Variants in STK10 observed in about 807,000 individuals in gnomAD.
STK10 encodes the protein serine/threonine kinase 10, also known as serine/threonine-protein kinase 10.
STK10 carries 78 observed loss-of-function variants against 113.8 expected under a neutral mutation model. The observed-to-expected ratio is 0.69, with a 90% confidence interval of 0.57 to 0.83. STK10 has a LOEUF of 0.83. Among genes scored for constraint, STK10 ranks in the 40% least tolerant of loss-of-function variants. The pLI, the probability that STK10 is intolerant of heterozygous loss-of-function variation, is 0.00. For missense variants in STK10, 1,109 were observed against 1,280.1 expected (o/e 0.87, Z 2.04); for synonymous variants, 465 against 494.7 (o/e 0.94, Z 0.80).
intron 14 of STK10, among the ~76,000 whole-genome samples, chr5:172,059,620 G>A (rs570972769): frequency 2.4e-4 from 37 of 152,098 alleles, no homozygotes; most frequent in African/African-American, 7.7e-4. Context: ...GAGACGCCCC[G>A]TCTGAGCTCC....
Position 172,077,641 on chromosome 5 carries a change from T to A in STK10, c.1989+4685A>T, listed in dbSNP as rs571079930. On this transcript the variant is annotated intron_variant, in intron 12 of 18. Transcript: ENST00000176763. ...GTTCAACTACCTTGCTAATAATTAT[T>A]TTTCCTATATGTGTATTTCCTTATT... Among the ~76,000 whole-genome samples, 18 of 152,338 alleles carry A rather than the reference T, an allele frequency of 1.2e-4. No homozygotes were observed. The East Asian group carries it at 3.5e-3, about 29-fold the overall frequency.
At chr5:172,060,199 A>G (rs11960329) in intron 14 of STK10, among the ~76,000 whole-genome samples, 103,439 of 152,100 alleles carry the variant, frequency 0.68, 36,217 homozygotes, top group African/African-American at 0.86. Flanking sequence ...CTTGAGCCCA[A>G]GACTTTGAGA....
At chr5:172,052,829 A>C (rs1282186204) in intron 18 of STK10, 100 bp downstream of exon 18, 2 of 1,098,642 alleles carry the variant, frequency 1.8e-6, no homozygotes, top group Non-Finnish European at 2.7e-6. Context: ...ACAAAGCAAG[A>C]GTCCACCAAA....
intron 2 of STK10, among the ~76,000 whole-genome samples, chr5:172,140,008 T>C (rs1174507622): frequency 1.3e-5 from 2 of 149,802 alleles, no homozygotes; most frequent in South Asian, 2.1e-4. Flanking sequence ...GCCTACAAAA[T>C]GGGGAGAAAT....
At chr5:172,155,143 T>C (rs1770321963) in intron 2 of STK10, among the ~76,000 whole-genome samples, 1 of 152,026 alleles carries the variant, frequency 6.6e-6, no homozygotes. Flanking sequence ...ATGGGAGATC[T>C]CCTTTGGTTA....
At position 172,096,554 on chromosome 5, in the gene STK10, A is replaced by C; in HGVS notation, c.877T>G (p.Phe293Val). ...TTGTTACTGGTGATGCTGCTGACGAAGGGATGCTGAGGGGGCAAGATGCAC... is the reference window on the plus strand; with the variant it reads ...TTGTTACTGGTGATGCTGCTGACGACGGGATGCTGAGGGGGCAAGATGCAC... The part of the protein sequence containing the change: ...PSAAQLLEHP[F>V]VSSITSNKAL... The change falls in exon 8 of 19, where the codon TTC (phenylalanine) becomes GTC (valine). Residue 293 changes from phenylalanine to valine, a missense_variant. By Grantham distance (50) the Phe-to-Val change is conservative. Transcript: ENST00000176763. 6.2e-7 allele frequency: 1 copy of C among 1,612,998 alleles called. No individual in the cohort carries two copies. The highest frequency in any genetic ancestry group is 8.5e-7 in the Non-Finnish European group (1 of 1,180,002).
chr5:172,056,971 G>GAAAGAAAGAAAGAAAGAAAGA (rs2113695002), intron 15 of STK10: 1 of 97,348 alleles, frequency 1.0e-5, no homozygotes, highest in Admixed American at 1.1e-4. Context: ...AAGAAAGAAA[G>GAAAGAAAGAAAGAAAGAAAGA]AAAGAAAGAA....
intron 12 of STK10, among the ~76,000 whole-genome samples, chr5:172,065,725 A>G (rs1768052819): frequency 6.6e-6 from 1 of 152,132 alleles, no homozygotes; most frequent in Non-Finnish European, 1.5e-5. Flanking sequence ...GTTTGCTGGA[A>G]CTACTGAAGA....
chr5:172,174,159 T>TTTGTTG (rs201335043), intron 1 of STK10, among the ~76,000 whole-genome samples: 2,660 of 152,034 alleles, frequency 0.017, 83 homozygotes, highest in African/African-American at 0.061. Context: ...GCAGGTATTT[T>TTTGTTG]TTGTTGTTGT....
At chr5:172,051,258 A>G (rs1767620284) in intron 18 of STK10, among the ~76,000 whole-genome samples, 1 of 152,130 alleles carries the variant, frequency 6.6e-6, no homozygotes, top group Non-Finnish European at 1.5e-5. Flanking sequence ...TTATATCTCC[A>G]CCAGGCACAG....
At chr5:172,119,557 G>C (rs758619713) in intron 3 of STK10, among the ~76,000 whole-genome samples, 3 of 151,992 alleles carry the variant, frequency 2.0e-5, no homozygotes, top group African/African-American at 7.3e-5. Flanking sequence ...TATGCTTGTA[G>C]CATTTATTAT....
chr5:172,156,908 C>T (rs1770358579), intron 1 of STK10, 120 bp from the exon 2 acceptor site: 9 of 1,147,756 alleles, frequency 7.8e-6, no homozygotes, highest in Middle Eastern at 5.5e-4. Flanking sequence ...GATGCTGAAC[C>T]GGAACGTACA....
chr5:172,182,576 G>A (rs1010334638), intron 1 of STK10, among the ~76,000 whole-genome samples: 24 of 138,308 alleles, frequency 1.7e-4, no homozygotes, highest in African/African-American at 6.5e-4. Flanking sequence ...TTTTTGAGAC[G>A]GAGTTTTCGC....
intron 14 of STK10, among the ~76,000 whole-genome samples, chr5:172,059,929 G>A (rs1767897215): frequency 6.6e-6 from 1 of 152,122 alleles, no homozygotes; most frequent in Admixed American, 6.6e-5. Context: ...CCAAGGCCCA[G>A]CTCTATCACC....
At chr5:172,054,500 C>A in intron 17 of STK10, 69 bp downstream of exon 17, 1 of 1,575,800 alleles carries the variant, frequency 6.3e-7, no homozygotes, top group South Asian at 1.1e-5. Context: ...TTCTGGCCCC[C>A]TGAGATCTGA....
At chr5:172,115,832 G>A (rs1769372348) in intron 4 of STK10, among the ~76,000 whole-genome samples, 2 of 152,212 alleles carry the variant, frequency 1.3e-5, no homozygotes, top group South Asian at 4.1e-4. Context: ...TAGCTCTAGT[G>A]AAAGAACCAG....
At chr5:172,053,988 G>A (rs1485466723) in intron 17 of STK10, among the ~76,000 whole-genome samples, 1 of 152,182 alleles carries the variant, frequency 6.6e-6, no homozygotes, top group African/African-American at 2.4e-5. Flanking sequence ...GTGCCGGGCA[G>A]GCCTCAACAC....
In STK10 at chr5:172,043,499, C is replaced by G. The variant is rs190356815; in HGVS notation, c.*1383G>C. The G allele has an allele frequency of 8.8e-4, 134 of 152,242 alleles. No homozygotes were observed. Among genetic ancestry groups the G allele is most frequent in the African/African-American group, 3.1e-3 (127 of 41,534 alleles). 9.4% of individuals were successfully genotyped at this position (152,242 alleles called of 1,614,324 possible). On this transcript the variant is annotated 3_prime_UTR_variant, in exon 19 of 19. Coordinates refer to ENST00000176763, the MANE Select transcript of STK10 (RefSeq NM_005990.4). The stretch of plus-strand genomic sequence containing the variant: ...TCATTACCAGTTTTGTGTTGTTGTT[C>G]TTGTTTGTTGTTTTAAAAAGCAGAT...
chr5:172,087,623 A>ATTTTTT (rs1203616701), intron 10 of STK10, among the ~76,000 whole-genome samples: 2 of 85,188 alleles, frequency 2.3e-5, no homozygotes, highest in African/African-American at 1.2e-4. Flanking sequence ...TTACTTATTT[A>ATTTTTT]TTTTTTTTTT....
Sources: allele counts gnomAD v4.1 joint callset (sites outside exome capture counted in the v4.1 genomes callset), GRCh38; gene constraint gnomAD v4.1.1; transcripts MANE v1.5; gene names NCBI Gene and HGNC (gene_info 2026-07-23, HGNC 2026-07-21).